The following MUSK variants were observed in gnomAD, a reference collection of about 807,000 sequenced individuals.
The protein encoded by MUSK is muscle, skeletal receptor tyrosine-protein kinase.
In MUSK, 55 loss-of-function variants were observed where a neutral mutation model predicts 88.7. The observed-to-expected ratio is 0.62, with a 90% confidence interval of 0.50 to 0.78. MUSK has a LOEUF of 0.78. MUSK is among the 30% of genes least tolerant of loss of function. The probability of loss-of-function intolerance (pLI) is 0.00; values close to 1 mark genes in which losing one functional copy is unlikely to be tolerated. For synonymous variants in MUSK, 387 were observed against 391.9 expected (o/e 0.99, Z 0.15); for missense variants, 1,015 against 1,074.3 (o/e 0.94, Z 0.77).
intron 2 of MUSK, among the ~76,000 whole-genome samples, chr9:110,685,706 T>A (rs1404686494): frequency 6.6e-6 from 1 of 152,162 alleles, no homozygotes; most frequent in Non-Finnish European, 1.5e-5. Context: ...TTTCTACGAA[T>A]AGTCTGTTCA....
At chr9:110,716,872 T>A in intron 5 of MUSK, among the ~76,000 whole-genome samples, 1 of 150,082 alleles carries the variant, frequency 6.7e-6, no homozygotes, top group Non-Finnish European at 1.5e-5. Context: ...CTTTGGATGA[T>A]GTTCCTCTTC....
chr9:110,669,226 T>C (rs2075926281), intron 1 of MUSK, among the ~76,000 whole-genome samples: 1 of 152,220 alleles, frequency 6.6e-6, no homozygotes, highest in Non-Finnish European at 1.5e-5. Context: ...TGCAGAGCTC[T>C]GACTTCTAGG....
chr9:110,673,313 A>G (rs1260071105), intron 1 of MUSK, among the ~76,000 whole-genome samples: 1 of 152,224 alleles, frequency 6.6e-6, no homozygotes, highest in Non-Finnish European at 1.5e-5. Flanking sequence ...GTTCAGCTCT[A>G]TCACTTCCTA....
chr9:110,727,236 G>C (rs2076897301), intron 5 of MUSK, among the ~76,000 whole-genome samples: 1 of 151,954 alleles, frequency 6.6e-6, no homozygotes, highest in African/African-American at 2.4e-5. Context: ...TCACTTAAAT[G>C]TAAGGGGATT....
chr9:110,691,621 A>C (rs1054192878), intron 3 of MUSK, among the ~76,000 whole-genome samples: 1 of 152,108 alleles, frequency 6.6e-6, no homozygotes, highest in African/African-American at 2.4e-5. Flanking sequence ...CTACTTGCAA[A>C]CTGTCAATCT....
At chr9:110,724,671 T>C (rs1319795578) in intron 5 of MUSK, among the ~76,000 whole-genome samples, 1 of 152,040 alleles carries the variant, frequency 6.6e-6, no homozygotes, top group African/African-American at 2.4e-5. Context: ...TTTTGTCTAC[T>C]TTCTTATACA....
intron 14 of MUSK, among the ~76,000 whole-genome samples, chr9:110,797,162 CAA>C (rs34924295): frequency 0.081 from 1,362 of 16,736 alleles, 42 homozygotes; most frequent in African/African-American, 0.24. Flanking sequence ...CATGAATACC[CAA>C]AAAAAAAAAA....
intron 7 of MUSK, among the ~76,000 whole-genome samples, chr9:110,750,478 A>G (rs2077234351): frequency 6.6e-6 from 1 of 152,122 alleles, no homozygotes; most frequent in Non-Finnish European, 1.5e-5. Flanking sequence ...CTTTTGGAGC[A>G]GCACAGCCCT....
chr9:110,692,541 T>G (rs2076370744), intron 3 of MUSK, among the ~76,000 whole-genome samples: 1 of 152,044 alleles, frequency 6.6e-6, no homozygotes, highest in African/African-American at 2.4e-5. Context: ...TTTTTTTTCT[T>G]TTTTCTTTCT....
At chr9:110,719,802 G>A (rs920156096) in intron 5 of MUSK, among the ~76,000 whole-genome samples, 2 of 152,014 alleles carry the variant, frequency 1.3e-5, no homozygotes, top group Non-Finnish European at 2.9e-5. Context: ...GTAATCATCA[G>A]CACATGGAAC....
At position 110,761,866 on chromosome 9, in the gene MUSK, G is replaced by A. The variant is rs141565036; in HGVS notation, c.914-336G>A. ...TGGGATTACAGGCGTGAGCCACCGC[G>A]CCCGGCCCACATCTTGATTTCTTAA... On this transcript the variant is annotated intron_variant, in intron 7 of 14. Coordinates refer to ENST00000374448, the MANE Select transcript of MUSK (RefSeq NM_005592.4). The A allele has an allele frequency of 3.0e-4, 292 of 982,664 alleles. No individual in the cohort carries two copies. In the African/African-American group the frequency reaches 4.5e-3, roughly 15 times the overall value. The allele number at this position is 982,664 out of a possible 1,614,324, so 60.9% of individuals were successfully genotyped here.
At chr9:110,674,662 AC>A (rs2076002310) in intron 1 of MUSK, among the ~76,000 whole-genome samples, 3 of 152,068 alleles carry the variant, frequency 2.0e-5, no homozygotes, top group Admixed American at 2.0e-4. Flanking sequence ...AGGCTGGAGT[AC>A]AGAGGTGCAA....
chr9:110,797,580 C>A (rs373427059), intron 14 of MUSK, among the ~76,000 whole-genome samples: 1 of 151,980 alleles, frequency 6.6e-6, no homozygotes, highest in Non-Finnish European at 1.5e-5. Flanking sequence ...AGTAGTATCT[C>A]GAATAGTTTC....
In MUSK at chr9:110,791,088, A is replaced by G. The variant is rs187982443; in HGVS notation, c.1927+3250A>G. Among the ~76,000 whole-genome samples the G allele has an allele frequency of 7.6e-4, 116 of 151,916 alleles. 1 individual carries two copies. The highest frequency in any genetic ancestry group is 2.6e-3 in the African/African-American group (107 of 41,510). On this transcript the variant is annotated intron_variant, in intron 14 of 14. Coordinates refer to ENST00000374448, the MANE Select transcript of MUSK (RefSeq NM_005592.4). ...TAAAAGGGGGTAGGATCAATAGATT[A>G]AAAGTTTCAGGGGGAGGAGCCAAGA...
At chr9:110,677,727 T>C (rs2076049824) in intron 1 of MUSK, among the ~76,000 whole-genome samples, 1 of 152,162 alleles carries the variant, frequency 6.6e-6, no homozygotes, top group African/African-American at 2.4e-5. Context: ...TTTTTTTTTA[T>C]TCCTAGTTTT....
chr9:110,689,668 G>C (rs1223454192), intron 3 of MUSK, among the ~76,000 whole-genome samples: 1 of 7,840 alleles, frequency 1.3e-4, no homozygotes, highest in Admixed American at 1.1e-3. Flanking sequence ...AATATACATA[G>C]TATATTATAT....
chr9:110,774,855 T>A (rs940466591), intron 9 of MUSK, among the ~76,000 whole-genome samples: 1 of 123,430 alleles, frequency 8.1e-6, no homozygotes, highest in African/African-American at 3.1e-5. Context: ...GACACCATTG[T>A]GGCATATATA....
intron 5 of MUSK, among the ~76,000 whole-genome samples, chr9:110,726,426 G>A (rs763298839): frequency 1.3e-5 from 2 of 152,000 alleles, no homozygotes; most frequent in Admixed American, 6.6e-5. Context: ...TTGAGCCTAC[G>A]CTCAAAGTAG....
chr9:110,697,288 A>G, intron 4 of MUSK, 37 bp from the exon 5 acceptor site: 1 of 1,610,358 alleles, frequency 6.2e-7, no homozygotes. Flanking sequence ...TGATAGACCC[A>G]TAAACATTTT....
Sources: gnomAD v4.1 joint callset for allele counts (sites outside exome capture counted in the v4.1 genomes callset) on GRCh38, gnomAD v4.1.1 for gene constraint, MANE v1.5 for transcripts, NCBI Gene and HGNC (gene_info 2026-07-23, HGNC 2026-07-21) for gene names.